The following CLEC16A variants were observed in gnomAD, a reference collection of about 807,000 sequenced individuals.
CLEC16A encodes the protein protein CLEC16A.
A neutral mutation model predicts 109.5 loss-of-function variants in CLEC16A; 51 were observed. The observed-to-expected ratio is 0.47, with a 90% CI of 0.37 to 0.59. The LOEUF (loss-of-function observed/expected upper bound fraction) is 0.59. Ranked by LOEUF, CLEC16A falls within the 20% of genes least tolerant of loss-of-function variation. The pLI is 0.00. For synonymous variants in CLEC16A, 673 were observed against 564.2 expected (o/e 1.19, Z -2.73); for missense variants, 1,339 against 1,394.0 (o/e 0.96, Z 0.63).
chr16:11,029,915 A>G (rs1168355059), intron 13 of CLEC16A, among the ~76,000 whole-genome samples: 1 of 152,162 alleles, frequency 6.6e-6, no homozygotes, highest in Non-Finnish European at 1.5e-5. Context: ...AAGTAACACC[A>G]GTCTGCTTCC....
intron 13 of CLEC16A, among the ~76,000 whole-genome samples, chr16:11,025,643 A>C (rs907928484): frequency 7.9e-5 from 12 of 152,204 alleles, no homozygotes; most frequent in African/African-American, 2.2e-4. Flanking sequence ...AAAAAAAATC[A>C]AGTGATATTT....
intron 9 of CLEC16A, 89 bp from the exon 10 acceptor site, chr16:10,982,789 G>A: frequency 1.4e-6 from 1 of 730,040 alleles, no homozygotes; most frequent in Non-Finnish European, 2.4e-6. Flanking sequence ...GACTTAGGTA[G>A]CCCAGCCTGG....
intron 5 of CLEC16A, chr16:10,971,467 A>G: frequency 1.3e-6 from 1 of 747,074 alleles, no homozygotes; most frequent in South Asian, 6.1e-5. Context: ...TAGAAGTAGG[A>G]TGTCCTGAGA....
At chr16:11,069,286 C>G (rs371365793) in intron 19 of CLEC16A, among the ~76,000 whole-genome samples, 79 of 152,242 alleles carry the variant, frequency 5.2e-4, no homozygotes, top group African/African-American at 1.8e-3. Context: ...CACCACCACA[C>G]CCGGCTGAGA....
intron 1 of CLEC16A, among the ~76,000 whole-genome samples, chr16:10,951,396 T>C (rs183327147): frequency 3.4e-4 from 52 of 152,264 alleles, no homozygotes; most frequent in Middle Eastern, 6.8e-3. Flanking sequence ...GTTTTTTTAA[T>C]TTATTTTTTG....
At chr16:10,986,667 A>G (rs2043677452) in intron 10 of CLEC16A, among the ~76,000 whole-genome samples, 1 of 151,460 alleles carries the variant, frequency 6.6e-6, no homozygotes. Context: ...ATTTCACTTA[A>G]TGTAATGTCC....
intron 22 of CLEC16A, chr16:11,157,210 A>G (rs2054566630): frequency 8.1e-7 from 1 of 1,240,844 alleles, no homozygotes; most frequent in East Asian, 5.7e-5. Context: ...TCAGAAATAA[A>G]AAGTATTTAA....
chr16:11,079,974 G>C (rs2049606383), intron 19 of CLEC16A, among the ~76,000 whole-genome samples: 1 of 152,182 alleles, frequency 6.6e-6, no homozygotes, highest in Non-Finnish European at 1.5e-5. Context: ...CACTTCCTGA[G>C]GTCTCCCAGG....
chr16:11,100,901 C>T (rs1210548742), intron 19 of CLEC16A, among the ~76,000 whole-genome samples: 1 of 152,144 alleles, frequency 6.6e-6, no homozygotes, highest in African/African-American at 2.4e-5. Flanking sequence ...TGTGCTGGTA[C>T]AGTTTATACT....
At chr16:11,160,750 G>T (rs774834781) in intron 22 of CLEC16A, among the ~76,000 whole-genome samples, 2 of 152,208 alleles carry the variant, frequency 1.3e-5, no homozygotes, top group Non-Finnish European at 2.9e-5. Context: ...AAGAAGCCTT[G>T]TAGTCAAGAG....
At chr16:11,036,042 C>G (rs1211872743) in intron 13 of CLEC16A, 2 of 152,500 alleles carry the variant, frequency 1.3e-5, no homozygotes, top group Non-Finnish European at 2.9e-5. Flanking sequence ...CTCTCTGCCT[C>G]CCAGGGCTGG....
intron 18 of CLEC16A, among the ~76,000 whole-genome samples, chr16:11,055,133 G>A (rs1056353615): frequency 3.9e-5 from 6 of 152,186 alleles, no homozygotes; most frequent in Non-Finnish European, 7.4e-5. Context: ...CCTTGGGGGT[G>A]AAGAAATGAG....
At chr16:11,172,890 A>G (rs989323633) in intron 23 of CLEC16A, among the ~76,000 whole-genome samples, 4 of 150,582 alleles carry the variant, frequency 2.7e-5, no homozygotes. Context: ...CTCTGTCTCA[A>G]AACAAACAAA....
chr16:10,945,408 A>AT (rs1295475356), intron 1 of CLEC16A, among the ~76,000 whole-genome samples: 2 of 152,174 alleles, frequency 1.3e-5, no homozygotes, highest in African/African-American at 4.8e-5. Context: ...GAGACCCAGG[A>AT]TTTTGGGGCG....
intron 3 of CLEC16A, among the ~76,000 whole-genome samples, chr16:10,964,867 G>A (rs939115853): frequency 2.0e-5 from 3 of 152,194 alleles, no homozygotes; most frequent in African/African-American, 4.8e-5. Flanking sequence ...ACTTTTGTGC[G>A]TGTGTGTGGG....
At chr16:11,133,231 C>G (rs534682612) in intron 22 of CLEC16A, among the ~76,000 whole-genome samples, 1 of 151,566 alleles carries the variant, frequency 6.6e-6, no homozygotes, top group Non-Finnish European at 1.5e-5. Context: ...CCCAGCTACT[C>G]GGGAGGCTGA....
At chr16:11,132,577 C>T (rs2053288412) in intron 22 of CLEC16A, among the ~76,000 whole-genome samples, 1 of 152,112 alleles carries the variant, frequency 6.6e-6, no homozygotes. Flanking sequence ...CTGGTATATA[C>T]CTAGGAGTAA....
intron 19 of CLEC16A, among the ~76,000 whole-genome samples, chr16:11,119,790 A>G (rs574107919): frequency 2.0e-5 from 3 of 151,994 alleles, no homozygotes; most frequent in African/African-American, 7.3e-5. Context: ...GTGAAAAATG[A>G]TGTTGGTATT....
chr16:10,984,155 T>G (rs2043489120), intron 10 of CLEC16A, among the ~76,000 whole-genome samples: 1 of 152,112 alleles, frequency 6.6e-6, no homozygotes, highest in Non-Finnish European at 1.5e-5. Context: ...CCTACATGAA[T>G]GGGTGGAATG....
Sources: allele counts gnomAD v4.1 joint callset (sites outside exome capture counted in the v4.1 genomes callset), GRCh38; gene constraint gnomAD v4.1.1; transcripts MANE v1.5; gene names NCBI Gene and HGNC (gene_info 2026-07-23, HGNC 2026-07-21).